MACROD2: variants seen among roughly 807,000 people sequenced by gnomAD.
MACROD2 encodes ADP-ribose glycohydrolase MACROD2.
In MACROD2, 36 loss-of-function variants were observed where a neutral mutation model predicts 70.4. The observed-to-expected ratio is 0.51, with a 90% CI of 0.39 to 0.68. The LOEUF (loss-of-function observed/expected upper bound fraction) is 0.68. MACROD2 is among the 30% of genes least tolerant of loss of function. The probability of loss-of-function intolerance (pLI) is 0.00; values close to 1 mark genes in which losing one functional copy is unlikely to be tolerated. For synonymous variants in MACROD2, 172 were observed against 178.8 expected (o/e 0.96, Z 0.30); for missense variants, 496 against 538.4 (o/e 0.92, Z 0.78).
At chr20:15,255,707 C>T (rs60993304) in intron 6 of MACROD2, among the ~76,000 whole-genome samples, 35,186 of 151,992 alleles carry the variant, frequency 0.23, 4,464 homozygotes, top group African/African-American at 0.34. Flanking sequence ...TACAAGAGCA[C>T]GTATTTCTTT....
Position 15,457,787 on chromosome 20 carries a change from G to A in MACROD2, c.571+26352G>A, listed in dbSNP as rs138871293. On this transcript the variant is annotated intron_variant, in intron 7 of 17. Coordinates refer to ENST00000684519, the MANE Select transcript of MACROD2 (RefSeq NM_001351661.2). Reference sequence around the variant, plus strand: ...ATCTTGAGTCCCTAGGAGATGCCTGGTGTCCTATAATGATTCAATCTTTTA... The same window carrying A: ...ATCTTGAGTCCCTAGGAGATGCCTGATGTCCTATAATGATTCAATCTTTTA... Among the ~76,000 whole-genome samples, 480 of 152,066 alleles carry A rather than the reference G, an allele frequency of 3.2e-3. 3 individuals are homozygous for A. The highest frequency in any genetic ancestry group is 0.011 in the African/African-American group (462 of 41,474).
chr20:15,747,712 T>C (rs1487484214), intron 8 of MACROD2, among the ~76,000 whole-genome samples: 1 of 152,146 alleles, frequency 6.6e-6, no homozygotes, highest in Non-Finnish European at 1.5e-5. Context: ...ATTCTCAGAT[T>C]TTCCACGGAG....
At chr20:15,923,231 C>A (rs1050433040) in intron 10 of MACROD2, among the ~76,000 whole-genome samples, 4 of 152,200 alleles carry the variant, frequency 2.6e-5, no homozygotes, top group South Asian at 2.1e-4. Context: ...ATTTGACTTA[C>A]AGTTTCACAT....
intron 16 of MACROD2, 24 bp from the exon 17 acceptor site, chr20:16,044,547 C>CTTT (rs746866121): frequency 3.3e-5 from 44 of 1,328,530 alleles, no homozygotes; most frequent in Admixed American, 9.7e-5. Context: ...GAATATTTAA[C>CTTT]TTTTTTTTTT....
chr20:15,837,516 G>C (rs185214805), intron 8 of MACROD2, among the ~76,000 whole-genome samples: 261 of 152,220 alleles, frequency 1.7e-3, no homozygotes, highest in Non-Finnish European at 3.3e-3. Flanking sequence ...ACTGTATCAT[G>C]TTCAGGTGCT....
intron 4 of MACROD2, among the ~76,000 whole-genome samples, chr20:14,507,479 T>G (rs916152759): frequency 6.6e-6 from 1 of 152,186 alleles, no homozygotes; most frequent in African/African-American, 2.4e-5. Flanking sequence ...TGAATGTCTT[T>G]AATGTTACTG....
chr20:15,420,288 C>T (rs1227218416), intron 6 of MACROD2, among the ~76,000 whole-genome samples: 2 of 152,006 alleles, frequency 1.3e-5, no homozygotes, highest in African/African-American at 2.4e-5. Context: ...TGCATGGAGT[C>T]GAATAGTTAT....
chr20:15,864,627 T>C (rs1356670319), intron 9 of MACROD2, among the ~76,000 whole-genome samples: 2 of 152,130 alleles, frequency 1.3e-5, no homozygotes, highest in Non-Finnish European at 2.9e-5. Flanking sequence ...TTTTTTAAAA[T>C]GAGACAGTTT....
At chr20:14,013,764 C>T (rs1445253963) in intron 2 of MACROD2, among the ~76,000 whole-genome samples, 1 of 133,770 alleles carries the variant, frequency 7.5e-6, no homozygotes, top group African/African-American at 2.8e-5. Context: ...CTCACTGCAA[C>T]CTCCGCCTCC....
chr20:15,662,502 CTT>C (rs1330384833), intron 8 of MACROD2, among the ~76,000 whole-genome samples: 1 of 152,224 alleles, frequency 6.6e-6, no homozygotes, highest in East Asian at 1.9e-4. Flanking sequence ...TTATTCTACT[CTT>C]GTCTCTTATT....
chr20:15,276,570 A>G (rs2077395076), intron 6 of MACROD2, among the ~76,000 whole-genome samples: 1 of 152,044 alleles, frequency 6.6e-6, no homozygotes. Flanking sequence ...CTACACAAAA[A>G]CTAACAAGTA....
At chr20:15,052,017 C>G (rs552707383) in intron 5 of MACROD2, among the ~76,000 whole-genome samples, 123 of 152,312 alleles carry the variant, frequency 8.1e-4, no homozygotes, top group African/African-American at 2.8e-3. Context: ...TTCCAAAGTG[C>G]TGGGATCACA....
intron 4 of MACROD2, among the ~76,000 whole-genome samples, chr20:14,510,274 A>AT: frequency 6.6e-6 from 1 of 152,176 alleles, no homozygotes; most frequent in East Asian, 1.9e-4. Context: ...AGAAAACTAT[A>AT]TTGAAAAGAA....
At chr20:15,943,193 G>A (rs2065774171) in intron 12 of MACROD2, among the ~76,000 whole-genome samples, 1 of 152,190 alleles carries the variant, frequency 6.6e-6, no homozygotes, top group Admixed American at 6.5e-5. Flanking sequence ...TGCAAGAGAT[G>A]AGAGCACAAA....
chr20:14,032,016 G>A (rs1321017358), intron 2 of MACROD2, among the ~76,000 whole-genome samples: 2 of 151,984 alleles, frequency 1.3e-5, no homozygotes, highest in South Asian at 2.1e-4. Context: ...TGCGTCTTAT[G>A]CTTTTACAAA....
chr20:15,029,099 G>A (rs1299809763), intron 5 of MACROD2, among the ~76,000 whole-genome samples: 1 of 152,284 alleles, frequency 6.6e-6, no homozygotes, highest in East Asian at 1.9e-4. Context: ...GGAAGAGGAG[G>A]AAAACTGCAC....
At chr20:15,088,435 ATATATATATATATATAATATTT>A (rs2075768183) in intron 5 of MACROD2, among the ~76,000 whole-genome samples, 4 of 31,346 alleles carry the variant, frequency 1.3e-4, no homozygotes, top group African/African-American at 3.3e-4. Flanking sequence ...ATATATATAT[ATATATATATATATATAATATTT>A]TGTGTGTGTG....
intron 5 of MACROD2, among the ~76,000 whole-genome samples, chr20:14,815,119 C>A (rs1196117796): frequency 6.6e-6 from 1 of 151,916 alleles, no homozygotes; most frequent in East Asian, 1.9e-4. Flanking sequence ...CTCCTACAGT[C>A]CCCTAAAAAT....
At chr20:14,690,105 C>T (rs183936772) in intron 5 of MACROD2, among the ~76,000 whole-genome samples, 19 of 151,956 alleles carry the variant, frequency 1.3e-4, no homozygotes, top group Middle Eastern at 3.4e-3. Context: ...ATAAAGAAAC[C>T]ATATCACCCT....
Sources: allele counts gnomAD v4.1 joint callset (sites outside exome capture counted in the v4.1 genomes callset), GRCh38; gene constraint gnomAD v4.1.1; transcripts MANE v1.5; gene names NCBI Gene and HGNC (gene_info 2026-07-23, HGNC 2026-07-21).